Variants in ZFHX3 observed in about 807,000 individuals in gnomAD.
The protein encoded by ZFHX3 is zinc finger homeobox protein 3.
In ZFHX3, 42 loss-of-function variants were observed where a neutral mutation model predicts 279.1. The observed-to-expected ratio is 0.15, with a 90% confidence interval of 0.12 to 0.19. The LOEUF (loss-of-function observed/expected upper bound fraction) is 0.19. Among genes scored for constraint, ZFHX3 ranks in the 10% least tolerant of loss-of-function variants. The pLI is 1.00. For synonymous variants in ZFHX3, 2,293 were observed against 1,957.8 expected (o/e 1.17, Z -4.52); for missense variants, 4,981 against 4,754.0 (o/e 1.05, Z -1.40).
chr16:72,851,269 C>G (rs1030877735), intron 4 of ZFHX3, among the ~76,000 whole-genome samples: 1 of 152,038 alleles, frequency 6.6e-6, no homozygotes, highest in African/African-American at 2.4e-5. Flanking sequence ...CAAGGGGAGG[C>G]CAAGACCTCT....
intron 1 of ZFHX3, among the ~76,000 whole-genome samples, chr16:73,771,688 T>C (rs1165402286): frequency 6.6e-6 from 1 of 152,176 alleles, no homozygotes; most frequent in African/African-American, 2.4e-5. Context: ...CACTTCTGAA[T>C]GTAGTGACAG....
At chr16:73,250,180 T>A (rs1325255989) in intron 5 of ZFHX3, among the ~76,000 whole-genome samples, 1 of 152,240 alleles carries the variant, frequency 6.6e-6, no homozygotes, top group Admixed American at 6.5e-5. Context: ...TACAATAACA[T>A]GTTTTCATCA....
chr16:73,703,078 C>T (rs2053266669), intron 1 of ZFHX3, among the ~76,000 whole-genome samples: 1 of 152,194 alleles, frequency 6.6e-6, no homozygotes, highest in Non-Finnish European at 1.5e-5. Context: ...TACCTCTTGC[C>T]ATCCAATCTT....
rs770229074 is a variant in ZFHX3 at position 72,798,575 on chromosome 16, C to CTGG, written c.4104_4106dup (p.Asn1368_Gln1369insHis). 1.2e-5 allele frequency: 20 copies of CTGG among 1,614,056 alleles called. No individual in the cohort carries two copies. The highest frequency in any genetic ancestry group is 1.5e-5 in the Non-Finnish European group (18 of 1,180,034). On this transcript the variant is annotated inframe_insertion, in exon 9 of 10. Coordinates refer to ENST00000268489, the MANE Select transcript of ZFHX3 (RefSeq NM_006885.4). ...GAAGGGCAGCAGAAGTTTTGAAAAC[C>CTGG]TGGTTGCACCCCTTCTTCCAGCAGA...
chr16:73,592,424 T>C (rs1451104409), intron 2 of ZFHX3, among the ~76,000 whole-genome samples: 2 of 152,176 alleles, frequency 1.3e-5, no homozygotes, highest in African/African-American at 4.8e-5. Context: ...TGGATGATGG[T>C]ACATGAAGGT....
chr16:73,398,184 T>C (rs539749949), intron 3 of ZFHX3, among the ~76,000 whole-genome samples: 51 of 152,128 alleles, frequency 3.4e-4, no homozygotes, highest in Non-Finnish European at 4.7e-4. Context: ...GAGATGCCTG[T>C]TAGAGGTTGA....
intron 4 of ZFHX3, among the ~76,000 whole-genome samples, chr16:73,271,977 T>C (rs1744736516): frequency 6.6e-6 from 1 of 152,154 alleles, no homozygotes; most frequent in Non-Finnish European, 1.5e-5. Flanking sequence ...AAAATAATAA[T>C]AGCTAACATT....
At chr16:73,018,274 G>GA (rs1964178032) in intron 1 of ZFHX3, among the ~76,000 whole-genome samples, 3 of 151,726 alleles carry the variant, frequency 2.0e-5, no homozygotes, top group Admixed American at 6.5e-5. Flanking sequence ...TGACAGGCGT[G>GA]AGCATACACG....
At chr16:72,886,863 C>T (rs949513096) in intron 4 of ZFHX3, among the ~76,000 whole-genome samples, 1 of 152,236 alleles carries the variant, frequency 6.6e-6, no homozygotes, top group African/African-American at 2.4e-5. Context: ...ATCCTCGTCC[C>T]TTACTCCTGA....
chr16:73,881,165 C>A (rs1307457197), intron 1 of ZFHX3, among the ~76,000 whole-genome samples: 1 of 152,074 alleles, frequency 6.6e-6, no homozygotes, highest in Non-Finnish European at 1.5e-5. Context: ...TATAGATGAA[C>A]TGTCTCTGTA....
intron 5 of ZFHX3, among the ~76,000 whole-genome samples, chr16:72,816,851 G>A (rs1461741648): frequency 6.6e-6 from 1 of 152,068 alleles, no homozygotes; most frequent in African/African-American, 2.4e-5. Context: ...TCCCTTAGGG[G>A]GAAAATCATT....
chr16:72,797,357 G>A lies in ZFHX3; in HGVS notation c.5325C>T (p.Thr1775=), dbSNP rs2035944274. The A allele has an allele frequency of 5.6e-6, 9 of 1,599,636 alleles. No individual in the cohort carries two copies. The highest frequency in any genetic ancestry group is 1.1e-5 in the South Asian group (1 of 87,910). The change falls in exon 9 of 10, where the codon ACC becomes ACT. Residue 1775 remains threonine, a synonymous_variant. Transcript: ENST00000268489. The stretch of plus-strand genomic sequence containing the variant: ...TTGTCATGGGGAAGTGAGGAAGGAG[G>A]GTGGGGTTAAACAGCTGAGACTGGA... The part of the protein sequence containing the change: ...ALIQSQLFNP[T]LLPHFPMTTE...
chr16:73,734,429 A>G (rs935992794), intron 1 of ZFHX3, among the ~76,000 whole-genome samples: 39 of 152,362 alleles, frequency 2.6e-4, no homozygotes, highest in African/African-American at 8.9e-4. Flanking sequence ...GAAGAGATGG[A>G]TAATTTTCTG....
chr16:73,765,355 T>C (rs959321988), intron 1 of ZFHX3, among the ~76,000 whole-genome samples: 1 of 152,196 alleles, frequency 6.6e-6, no homozygotes, highest in East Asian at 1.9e-4. Flanking sequence ...TTTTTAAAAA[T>C]GTGTGTATAT....
intron 1 of ZFHX3, among the ~76,000 whole-genome samples, chr16:73,722,314 A>G (rs1492561): frequency 0.88 from 134,057 of 152,204 alleles, 59,184 homozygotes; most frequent in Non-Finnish European, 0.91. Flanking sequence ...TGCTCATTTG[A>G]GCTTGTGAAA....
At chr16:73,083,955 C>T (rs1965978921) in intron 8 of ZFHX3, among the ~76,000 whole-genome samples, 1 of 152,186 alleles carries the variant, frequency 6.6e-6, no homozygotes. Flanking sequence ...CCATGGTTCT[C>T]AACTGGGGCT....
chr16:73,446,706 G>T (rs1056260864), intron 3 of ZFHX3, among the ~76,000 whole-genome samples: 3 of 152,070 alleles, frequency 2.0e-5, no homozygotes, highest in Non-Finnish European at 4.4e-5. Flanking sequence ...ACACATAGAG[G>T]GGAACAACAT....
intron 1 of ZFHX3, among the ~76,000 whole-genome samples, chr16:72,967,607 C>T (rs2144496248): frequency 6.6e-6 from 1 of 152,114 alleles, no homozygotes; most frequent in East Asian, 1.9e-4. Flanking sequence ...CAATGGGTAC[C>T]CAAACTAATG....
rs111726476 is a variant in ZFHX3 at position 73,430,982 on chromosome 16, T to C, written c.-1291+25021A>G. Among the ~76,000 whole-genome samples, 523 of 152,292 alleles carry C rather than the reference T, an allele frequency of 3.4e-3. 3 individuals are homozygous for C. The highest frequency in any genetic ancestry group is 0.012 in the African/African-American group (487 of 41,566). ...TGTGCCTGCTCTAGAACATAAGGTG[T>C]GGATGTTCACTGTCTCCATAGAAGT... is the stretch of plus-strand genomic sequence containing the variant. On this transcript the variant is annotated intron_variant, in intron 3 of 17. Transcript: ENST00000641206.
Sources: gnomAD v4.1 joint callset for allele counts (sites outside exome capture counted in the v4.1 genomes callset) on GRCh38, gnomAD v4.1.1 for gene constraint, MANE v1.5 for transcripts, NCBI Gene and HGNC (gene_info 2026-07-23, HGNC 2026-07-21) for gene names.